Variants in TENM2 observed in about 807,000 individuals in gnomAD.
The protein encoded by TENM2 is teneurin transmembrane protein 2, also known as teneurin-2.
TENM2 carries 52 observed loss-of-function variants against 245.2 expected under a neutral mutation model. The ratio of observed to expected loss-of-function variants is 0.21; its 90% confidence interval spans 0.17 to 0.27. The LOEUF (loss-of-function observed/expected upper bound fraction) is 0.27. TENM2 is among the 10% of genes least tolerant of loss of function. The pLI is 1.00. For synonymous variants in TENM2, 1,363 were observed against 1,438.9 expected (o/e 0.95, Z 1.19); for missense variants, 3,046 against 3,666.8 (o/e 0.83, Z 4.37).
intron 2 of TENM2, among the ~76,000 whole-genome samples, chr5:167,749,232 A>T (rs990212418): frequency 2.6e-5 from 4 of 152,224 alleles, no homozygotes. Flanking sequence ...AACGGATATG[A>T]ACAGAGAGAT....
chr5:168,147,510 A>C (rs1301017508), intron 12 of TENM2, among the ~76,000 whole-genome samples: 5 of 152,230 alleles, frequency 3.3e-5, no homozygotes, highest in Non-Finnish European at 7.3e-5. Context: ...CTATACATAG[A>C]AACAGCCAAG....
intron 2 of TENM2, among the ~76,000 whole-genome samples, chr5:167,435,979 T>C (rs926138162): frequency 4.2e-5 from 6 of 143,742 alleles, no homozygotes; most frequent in Admixed American, 6.9e-5. Flanking sequence ...TTTTTTCTTT[T>C]TTTTTTTTTT....
intron 4 of TENM2, among the ~76,000 whole-genome samples, chr5:167,989,112 T>C (rs1419442724): frequency 6.6e-6 from 1 of 152,196 alleles, no homozygotes; most frequent in Non-Finnish European, 1.5e-5. Context: ...ATCTACCAGT[T>C]CAAGTGTCCA....
intron 2 of TENM2, among the ~76,000 whole-genome samples, chr5:167,755,458 G>GA (rs5873067): frequency 0.92 from 136,636 of 147,904 alleles, 63,444 homozygotes; most frequent in Middle Eastern, 0.99. Context: ...TATTTCACCA[G>GA]AAAAAAAAAA....
intron 2 of TENM2, among the ~76,000 whole-genome samples, chr5:167,828,901 GGTGTGGAGCTGGTTAAGACAGGGTTCTCT>G (rs1561829037): frequency 6.6e-6 from 1 of 152,198 alleles, no homozygotes; most frequent in African/African-American, 2.4e-5. Context: ...ACAGGCTCAA[GGTGTGGAGCTGGTTAAGACAGGGTTCTCT>G]GGCTCTTGGT....
At chr5:167,755,236 C>T (rs762703457) in intron 2 of TENM2, 1 of 1,429,136 alleles carries the variant, frequency 7.0e-7, no homozygotes, top group Admixed American at 1.7e-5. Flanking sequence ...TTGCAAGCAC[C>T]TGTCCTCACT....
the TENM2 span, among the ~76,000 whole-genome samples, chr5:167,078,122 G>A: frequency 0.013 from 1,965 of 152,026 alleles, 9 homozygotes; most frequent in Non-Finnish European, 0.02. Context: ...TATAGTTAAG[G>A]TCAAGTGGGT....
chr5:167,709,364 T>A lies in TENM2; in HGVS notation c.503-166622T>A, dbSNP rs537598533. Among the ~76,000 whole-genome samples, 33 of 152,368 alleles carry A rather than the reference T, an allele frequency of 2.2e-4. No individual in the cohort carries two copies. In the South Asian group the frequency reaches 6.8e-3, roughly 32 times the overall value. On this transcript the variant is annotated intron_variant, in intron 2 of 28. Transcript: ENST00000518659. The stretch of plus-strand genomic sequence containing the variant: ...ATTTTTTGTATCTATCTTATTTGAA[T>A]TTCATTTCATGTAATCCCTCCAGTG...
chr5:168,165,648 A>ACCCCCCCCCCCCCCCC (rs34203413), intron 13 of TENM2, among the ~76,000 whole-genome samples: 9 of 30,948 alleles, frequency 2.9e-4, no homozygotes, highest in Non-Finnish European at 3.9e-4. Flanking sequence ...CCCCCCCCCA[A>ACCCCCCCCCCCCCCCC]CCCCCCCCCC....
intron 2 of TENM2, among the ~76,000 whole-genome samples, chr5:167,846,333 A>G (rs996853706): frequency 3.3e-5 from 5 of 152,238 alleles, no homozygotes; most frequent in Non-Finnish European, 7.3e-5. Context: ...ACAACTTAGA[A>G]AAGTGCTCAG....
chr5:167,732,447 A>G (rs1462565439), intron 2 of TENM2, among the ~76,000 whole-genome samples: 3 of 152,184 alleles, frequency 2.0e-5, no homozygotes, highest in Admixed American at 2.0e-4. Context: ...GATCAATTAT[A>G]GGGGAAGAAA....
At chr5:168,130,738 A>G (rs567851742) in intron 12 of TENM2, among the ~76,000 whole-genome samples, 1 of 152,040 alleles carries the variant, frequency 6.6e-6, no homozygotes, top group African/African-American at 2.4e-5. Flanking sequence ...TCACTACAAA[A>G]ATTAGCTGGG....
the TENM2 span, among the ~76,000 whole-genome samples, chr5:167,139,080 G>T: frequency 3.9e-5 from 6 of 152,194 alleles, no homozygotes; most frequent in African/African-American, 1.4e-4. Context: ...GCAAGACCCA[G>T]CCAGTCAAAG....
chr5:168,177,883 G>A (rs778204519), intron 13 of TENM2, among the ~76,000 whole-genome samples: 3 of 152,150 alleles, frequency 2.0e-5, no homozygotes, highest in Admixed American at 6.5e-5. Flanking sequence ...AATCTCCAGC[G>A]AGTGCTAAGC....
chr5:167,082,220 T>A, the TENM2 span, among the ~76,000 whole-genome samples: 1 of 152,170 alleles, frequency 6.6e-6, no homozygotes, highest in Admixed American at 6.6e-5. Context: ...TCAGTAGTGG[T>A]ATGGGAGGAC....
chr5:167,895,511 T>C (rs1775146840), intron 3 of TENM2, among the ~76,000 whole-genome samples: 1 of 152,264 alleles, frequency 6.6e-6, no homozygotes, highest in African/African-American at 2.4e-5. Flanking sequence ...CCATTGCTGC[T>C]TGATTCCAAT....
rs987684585 is a variant in TENM2, at chr5:168,203,976, A to G, written c.3574+144A>G. Reference sequence around the variant, plus strand: ...GCCCAAAATATGCATGGATTTTCCTACCTTCTTCTTTTATTATTTTTTTAT... The same window carrying G: ...GCCCAAAATATGCATGGATTTTCCTGCCTTCTTCTTTTATTATTTTTTTAT... On this transcript the variant is annotated intron_variant, in intron 18 of 28. Coordinates refer to ENST00000518659, the Ensembl canonical transcript of TENM2. 7 of 514,298 alleles carry G rather than the reference A, an allele frequency of 1.4e-5. No homozygotes were observed. In the Admixed American group the frequency reaches 2.3e-4, roughly 17 times the overall value. The allele number at this position is 514,298 out of a possible 1,614,324, so 31.9% of individuals were successfully genotyped here. A position where few individuals can be genotyped will look rare whatever the true frequency, so the allele number is the denominator to read the frequency against.
At chr5:167,377,560 T>C (rs980320469) in intron 2 of TENM2, among the ~76,000 whole-genome samples, 5 of 152,218 alleles carry the variant, frequency 3.3e-5, no homozygotes, top group Non-Finnish European at 7.4e-5. Flanking sequence ...ACATAATGTA[T>C]CTTCTGTTCT....
At chr5:168,204,343 T>C in intron 18 of TENM2, 29 bp from the exon 21 acceptor site, 4 of 1,602,492 alleles carry the variant, frequency 2.5e-6, no homozygotes, top group Non-Finnish European at 3.4e-6. Context: ...AGGGCTTCAG[T>C]AACCCCTCCC....
Sources: gnomAD v4.1 joint callset for allele counts (sites outside exome capture counted in the v4.1 genomes callset) on GRCh38, gnomAD v4.1.1 for gene constraint, MANE v1.5 for transcripts, NCBI Gene and HGNC (gene_info 2026-07-23, HGNC 2026-07-21) for gene names.